TBC1D9: variants seen among roughly 807,000 people sequenced by gnomAD.
The protein encoded by TBC1D9 is TBC1 domain family member 9A.
A neutral mutation model predicts 132.0 loss-of-function variants in TBC1D9; 63 were observed. That is an observed-to-expected ratio of 0.48 (90% CI 0.39 to 0.59). The LOEUF (loss-of-function observed/expected upper bound fraction) is 0.59. Ranked by LOEUF, TBC1D9 falls within the 20% of genes least tolerant of loss-of-function variation. The pLI is 0.00. For missense variants in TBC1D9, 1,261 were observed against 1,592.7 expected (o/e 0.79, Z 3.54); for synonymous variants, 610 against 609.9 (o/e 1.00, Z 0.00).
At position 140,700,163 on chromosome 4, in the gene TBC1D9, T is replaced by A. The variant is rs555112750; in HGVS notation, c.241+1341A>T. On this transcript the variant is annotated intron_variant, in intron 2 of 20. Transcript: ENST00000442267. ...AAAGAAATTATATTAAAAAAAAAAA[T>A]AAAAGTCCAGGCGCAGTGGTTCATG... 1.2e-3 allele frequency among the ~76,000 whole-genome samples: 184 copies of A among 149,322 alleles called. 4 individuals carry two copies. In the East Asian group the frequency reaches 0.027, roughly 22 times the overall value.
At chr4:140,715,115 C>T (rs1172348759) in intron 1 of TBC1D9, among the ~76,000 whole-genome samples, 1 of 152,078 alleles carries the variant, frequency 6.6e-6, no homozygotes, top group African/African-American at 2.4e-5. Context: ...CAGAGTGAGA[C>T]CCTGTCTCAA....
At chr4:140,750,981 A>T (rs1417847847) in intron 1 of TBC1D9, among the ~76,000 whole-genome samples, 1 of 152,116 alleles carries the variant, frequency 6.6e-6, no homozygotes, top group African/African-American at 2.4e-5. Flanking sequence ...AAGTTAAAAA[A>T]ATGCATCAAT....
chr4:140,670,999 A>T, intron 6 of TBC1D9, 73 bp from the exon 7 acceptor site: 1 of 1,316,736 alleles, frequency 7.6e-7, no homozygotes, highest in Non-Finnish European at 1.1e-6. Context: ...GCAGCACTAA[A>T]GGAGGAAGGC....
intron 1 of TBC1D9, among the ~76,000 whole-genome samples, chr4:140,732,736 C>T (rs960935558): frequency 2.0e-5 from 3 of 152,134 alleles, no homozygotes; most frequent in Admixed American, 1.3e-4. Context: ...AATTCCTTCA[C>T]TGTTAACAGG....
intron 14 of TBC1D9, 75 bp from the exon 15 acceptor site, chr4:140,639,229 T>G: frequency 6.8e-7 from 1 of 1,473,068 alleles, no homozygotes. Context: ...AATTTTTCCC[T>G]TTCAAATTGT....
chr4:140,701,652 C>T, intron 1 of TBC1D9, 38 bp from the exon 2 acceptor site: 1 of 1,523,714 alleles, frequency 6.6e-7, no homozygotes, highest in Non-Finnish European at 9.1e-7. Context: ...GTAAGAATTG[C>T]CTTAGTACTT....
At chr4:140,746,037 T>A (rs144824276) in intron 1 of TBC1D9, among the ~76,000 whole-genome samples, 5 of 152,324 alleles carry the variant, frequency 3.3e-5, no homozygotes, top group African/African-American at 1.2e-4. Context: ...AGTCCAATGC[T>A]CTAACTCAGA....
intron 1 of TBC1D9, among the ~76,000 whole-genome samples, chr4:140,715,407 A>C (rs1331232683): frequency 6.6e-6 from 1 of 152,200 alleles, no homozygotes; most frequent in Non-Finnish European, 1.5e-5. Context: ...GACTGGCTGC[A>C]GTTTGCATAC....
At chr4:140,642,974 G>T in intron 13 of TBC1D9, 1 of 668,678 alleles carries the variant, frequency 1.5e-6, no homozygotes, top group Non-Finnish European at 2.5e-6. Flanking sequence ...GCTGGACCTC[G>T]GCCCGCCACA....
rs1240457887 is a variant in TBC1D9 at position 140,634,123 on chromosome 4, G to A, written c.2571C>T (p.Ser857=). The A allele has an allele frequency of 2.5e-6, 4 of 1,613,884 alleles. No individual in the cohort carries two copies. In the African/African-American group the frequency reaches 4.0e-5, roughly 16 times the overall value. ...TGCGATACTGTTCCAGGTAGGGCAG[G>A]CTGGGGTCATGCCGGTCCAGCGCGT... ...SSNALDRHDP[S]LPYLEQYRID... is the part of the protein sequence containing the mutation. Residue 857 remains serine, a synonymous_variant, in exon 16 of 21, where the codon AGC becomes AGT. Transcript: ENST00000442267.
At chr4:140,716,846 A>T (rs530366359) in intron 1 of TBC1D9, among the ~76,000 whole-genome samples, 2 of 151,192 alleles carry the variant, frequency 1.3e-5, no homozygotes, top group Non-Finnish European at 2.9e-5. Context: ...TCACACACAC[A>T]CCCACACCCT....
chr4:140,680,256 C>T (rs1737683384), intron 3 of TBC1D9, among the ~76,000 whole-genome samples: 1 of 152,138 alleles, frequency 6.6e-6, no homozygotes, highest in Non-Finnish European at 1.5e-5. Context: ...AAAGACCAAA[C>T]ACATGTCACC....
chr4:140,742,814 CTA>C (rs2111079687), intron 1 of TBC1D9, among the ~76,000 whole-genome samples: 1 of 151,764 alleles, frequency 6.6e-6, no homozygotes, highest in East Asian at 1.9e-4. Flanking sequence ...TCAGAGAGGA[CTA>C]TTTGTGCAAG....
intron 2 of TBC1D9, among the ~76,000 whole-genome samples, chr4:140,698,692 C>T (rs1422906729): frequency 1.3e-5 from 2 of 148,426 alleles, no homozygotes; most frequent in Non-Finnish European, 3.0e-5. Flanking sequence ...GAGCTGAGAT[C>T]GTGCCACTGC....
intron 11 of TBC1D9, 78 bp from the exon 12 acceptor site, chr4:140,657,890 G>A (rs1361399690): frequency 6.8e-7 from 1 of 1,476,224 alleles, no homozygotes; most frequent in South Asian, 1.3e-5. Context: ...CAAACAACTT[G>A]ACTGCTAGCA....
chr4:140,653,467 A>T (rs1737217953), intron 13 of TBC1D9, among the ~76,000 whole-genome samples: 2 of 152,182 alleles, frequency 1.3e-5, no homozygotes, highest in African/African-American at 2.4e-5. Flanking sequence ...TCGCCAGGGA[A>T]ACTTCTTAAA....
At position 140,622,852 on chromosome 4, in the gene TBC1D9, C is replaced by G. The variant is rs1736642608; in HGVS notation, c.3144G>C (p.Glu1048Asp). The G allele has an allele frequency of 1.3e-6, 2 of 1,592,310 alleles. No homozygotes were observed. The highest frequency in any genetic ancestry group is 1.7e-5 in the Admixed American group (1 of 57,728). Residue 1048 changes from glutamate (E) to aspartate (D), a missense_variant, in exon 21 of 21, where the codon GAG becomes GAC. By Grantham distance (45) the Glu-to-Asp change is conservative. Around this residue, in one of 3 missense-constraint regions of TBC1D9, gnomAD observed 618 missense variants for 724.4 expected, o/e 0.85. Coordinates refer to ENST00000442267, the MANE Select transcript of TBC1D9 (RefSeq NM_015130.3). ...NMFSEDPNEQ[E>D]LYHATAAVTS... ...TCACTGCTGCCGTGGCGTGGTACAG[C>G]TCCTGCTCATTGGGGTCTTCGCTGA...
intron 13 of TBC1D9, chr4:140,645,037 C>A (rs56894360): frequency 4.2e-6 from 2 of 477,820 alleles, no homozygotes; most frequent in African/African-American, 2.0e-5. Context: ...AGATGGGTTG[C>A]GGGGTCCACA....
At chr4:140,697,560 GGAAAA>G (rs1737989527) in intron 2 of TBC1D9, among the ~76,000 whole-genome samples, 1 of 152,134 alleles carries the variant, frequency 6.6e-6, no homozygotes, top group African/African-American at 2.4e-5. Flanking sequence ...AGTGTCACTG[GGAAAA>G]GAAAACTATA....
Sources: gnomAD v4.1 joint callset for allele counts (sites outside exome capture counted in the v4.1 genomes callset) on GRCh38, gnomAD v4.1.1 for gene constraint, gnomAD v4.1.1 regional missense constraint, MANE v1.5 for transcripts, NCBI Gene and HGNC (gene_info 2026-07-23, HGNC 2026-07-21) for gene names.